The following TMEM45A variants were observed in gnomAD, a reference collection of about 807,000 sequenced individuals.
TMEM45A encodes DNA polymerase-transactivated protein 4.
A neutral mutation model predicts 32.0 loss-of-function variants in TMEM45A; 25 were observed. The ratio of observed to expected loss-of-function variants is 0.78; its 90% CI spans 0.57 to 1.09. The LOEUF (loss-of-function observed/expected upper bound fraction) is 1.09, where lower values mean the gene tolerates loss of function less well. TMEM45A is among the 50% of genes least tolerant of loss of function. TMEM45A has a pLI of 0.00. For missense variants in TMEM45A, 302 were observed against 325.0 expected (o/e 0.93, Z 0.54); for synonymous variants, 122 against 114.8 (o/e 1.06, Z -0.40).
chr3:100,529,013 A>G (rs1381447121), intron 1 of TMEM45A, among the ~76,000 whole-genome samples: 2 of 152,152 alleles, frequency 1.3e-5, no homozygotes, highest in Admixed American at 6.5e-5. Flanking sequence ...TGAAGCTCCT[A>G]TTTGTTGGAT....
intron 1 of TMEM45A, among the ~76,000 whole-genome samples, chr3:100,503,348 G>A (rs1316755398): frequency 9.9e-5 from 15 of 151,836 alleles, no homozygotes; most frequent in Admixed American, 3.9e-4. Flanking sequence ...CAAGTGATCC[G>A]CCCACCTCAG....
chr3:100,497,737 T>C (rs1053817257), intron 1 of TMEM45A, among the ~76,000 whole-genome samples: 1 of 152,226 alleles, frequency 6.6e-6, no homozygotes, highest in African/African-American at 2.4e-5. Context: ...TGCCAGAATA[T>C]CCTTCCTTTT....
At chr3:100,501,843 G>A (rs2148927118) in intron 1 of TMEM45A, among the ~76,000 whole-genome samples, 1 of 152,192 alleles carries the variant, frequency 6.6e-6, no homozygotes, top group Non-Finnish European at 1.5e-5. Context: ...CAACAACTAG[G>A]GTTGCCACAT....
chr3:100,500,559 C>A lies in TMEM45A; in HGVS notation c.-4+7631C>A, dbSNP rs1707995945. Among the ~76,000 whole-genome samples, 3 of 152,218 alleles carry A rather than the reference C, an allele frequency of 2.0e-5. No homozygotes were observed. The South Asian group carries it at 6.2e-4, about 32-fold the overall frequency. Reference sequence around the variant, plus strand: ...ATTGACTGTTTCCAGTCTCGTCTGACTTTCAATGTCCCTGCCAAGGACTCT... The same window carrying A: ...ATTGACTGTTTCCAGTCTCGTCTGAATTTCAATGTCCCTGCCAAGGACTCT... On this transcript the variant is annotated intron_variant, in intron 1 of 5. Coordinates refer to ENST00000323523, the MANE Select transcript of TMEM45A (RefSeq NM_018004.3).
intron 1 of TMEM45A, among the ~76,000 whole-genome samples, chr3:100,551,602 A>G (rs1310371425): frequency 6.6e-6 from 1 of 152,242 alleles, no homozygotes; most frequent in African/African-American, 2.4e-5. Flanking sequence ...AATTGTTTCT[A>G]GGAGATGAGA....
Position 100,577,029 on chromosome 3 carries a change from C to T in TMEM45A, c.*11C>T. 1 of 1,603,164 alleles carries T rather than the reference C, an allele frequency of 6.2e-7. No homozygotes were observed. Among genetic ancestry groups the T allele is most frequent in the Non-Finnish European group, 8.5e-7 (1 of 1,174,234 alleles). On this transcript the variant is annotated 3_prime_UTR_variant, in exon 6 of 6. Coordinates refer to ENST00000323523, the MANE Select transcript of TMEM45A (RefSeq NM_018004.3). Reference sequence around the variant, plus strand: ...GAAGAAGAAATGTGACTTTGATGAGCTTCCAGTTTTTCTAGATAAACCTTT... The same window carrying T: ...GAAGAAGAAATGTGACTTTGATGAGTTTCCAGTTTTTCTAGATAAACCTTT...
At chr3:100,527,879 C>G (rs1210870363) in intron 1 of TMEM45A, among the ~76,000 whole-genome samples, 1 of 152,186 alleles carries the variant, frequency 6.6e-6, no homozygotes, top group Non-Finnish European at 1.5e-5. Context: ...ATCCAGAAGT[C>G]ACAACCAAGA....
intron 1 of TMEM45A, among the ~76,000 whole-genome samples, chr3:100,500,352 G>A (rs1157092193): frequency 6.6e-6 from 1 of 151,940 alleles, no homozygotes; most frequent in African/African-American, 2.4e-5. Flanking sequence ...ACAGACACTA[G>A]CACTCAAGTG....
In TMEM45A at chr3:100,495,122, G is replaced by A. The variant is rs188434884; in HGVS notation, c.-4+2194G>A. On this transcript the variant is annotated intron_variant, in intron 1 of 5. Coordinates refer to ENST00000323523, the MANE Select transcript of TMEM45A (RefSeq NM_018004.3). ...TCTGCTCTAGCAACTGGTATTAACTGAGTGCTGACCACTTGCTAGCCAGCA... is the reference window on the plus strand; with the variant it reads ...TCTGCTCTAGCAACTGGTATTAACTAAGTGCTGACCACTTGCTAGCCAGCA... Among the ~76,000 whole-genome samples the A allele has an allele frequency of 6.6e-5, 10 of 152,338 alleles. No individual in the cohort carries two copies. The East Asian group carries it at 1.9e-3, about 29-fold the overall frequency.
chr3:100,533,500 A>G (rs1424446575), intron 1 of TMEM45A, among the ~76,000 whole-genome samples: 1 of 151,804 alleles, frequency 6.6e-6, no homozygotes, highest in African/African-American at 2.4e-5. Flanking sequence ...GTTTCTTCCT[A>G]CACACTCCTG....
chr3:100,520,500 T>C (rs1705413590), intron 1 of TMEM45A, among the ~76,000 whole-genome samples: 1 of 152,192 alleles, frequency 6.6e-6, no homozygotes, highest in African/African-American at 2.4e-5. Flanking sequence ...TTTCCGCCCT[T>C]GCTGGGTTCT....
chr3:100,509,309 A>G (rs1708121245), intron 1 of TMEM45A, among the ~76,000 whole-genome samples: 1 of 152,250 alleles, frequency 6.6e-6, no homozygotes, highest in South Asian at 2.1e-4. Flanking sequence ...ACATGGAGAA[A>G]AGAGAACTCT....
At chr3:100,549,902 C>T (rs1481641419) in intron 1 of TMEM45A, among the ~76,000 whole-genome samples, 2 of 151,742 alleles carry the variant, frequency 1.3e-5, no homozygotes, top group Non-Finnish European at 2.9e-5. Flanking sequence ...ATGAACTCAT[C>T]ATTTTTTATG....
At chr3:100,572,473 T>G (rs940254162) in intron 5 of TMEM45A, 1 of 150,878 alleles carries the variant, frequency 6.6e-6, no homozygotes, top group Non-Finnish European at 1.5e-5. Context: ...TAAATTTGTT[T>G]GAGTTCATTG....
chr3:100,558,294 TTG>T, intron 3 of TMEM45A, 109 bp from the exon 4 acceptor site: 1 of 1,341,372 alleles, frequency 7.5e-7, no homozygotes, highest in South Asian at 1.4e-5. Context: ...GCCTGCTCTT[TTG>T]GACAAATGTG....
At chr3:100,560,376 A>G (rs895762641) in intron 4 of TMEM45A, among the ~76,000 whole-genome samples, 79 of 152,006 alleles carry the variant, frequency 5.2e-4, no homozygotes, top group African/African-American at 1.8e-3. Flanking sequence ...TGCCTTCTGT[A>G]AGATTTGATG....
chr3:100,565,004 C>CA (rs1391288467), intron 4 of TMEM45A, among the ~76,000 whole-genome samples: 2 of 152,154 alleles, frequency 1.3e-5, no homozygotes, highest in East Asian at 3.8e-4. Context: ...CGTATTGCCC[C>CA]ATATGGAAAG....
At chr3:100,561,349 T>C (rs1159173490) in intron 4 of TMEM45A, among the ~76,000 whole-genome samples, 1 of 152,218 alleles carries the variant, frequency 6.6e-6, no homozygotes, top group Non-Finnish European at 1.5e-5. Flanking sequence ...ATGTTAATAC[T>C]TGTGCATGAA....
chr3:100,543,677 G>C (rs1487409077), intron 1 of TMEM45A, among the ~76,000 whole-genome samples: 3 of 152,008 alleles, frequency 2.0e-5, no homozygotes, highest in Admixed American at 2.0e-4. Context: ...TACCCTTGGG[G>C]GAGCAGTTTT....
Sources: gnomAD v4.1 joint callset for allele counts (sites outside exome capture counted in the v4.1 genomes callset) on GRCh38, gnomAD v4.1.1 for gene constraint, MANE v1.5 for transcripts, NCBI Gene and HGNC (gene_info 2026-07-23, HGNC 2026-07-21) for gene names.